Variants in RXRA observed in about 807,000 individuals in gnomAD.
RXRA encodes retinoid X receptor alpha, also known as retinoic acid receptor RXR-alpha.
Under a neutral mutation model 44.5 loss-of-function variants are expected in RXRA, and 5 were observed. The ratio of observed to expected loss-of-function variants is 0.11; its 90% CI spans 0.06 to 0.24. The LOEUF is 0.24. Among genes scored for constraint, RXRA ranks in the 10% least tolerant of loss-of-function variants. The probability of loss-of-function intolerance (pLI) is 1.00; values close to 1 mark genes in which losing one functional copy is unlikely to be tolerated. For synonymous variants in RXRA, 291 were observed against 271.4 expected (o/e 1.07, Z -0.71); for missense variants, 412 against 646.5 (o/e 0.64, Z 3.93).
intron 1 of RXRA, among the ~76,000 whole-genome samples, chr9:134,327,958 T>G (rs1834943507): frequency 6.6e-6 from 1 of 152,172 alleles, no homozygotes; most frequent in Non-Finnish European, 1.5e-5. Flanking sequence ...TGGGCGCTCA[T>G]GCCCATTTTG....
At position 134,379,917 on chromosome 9, in the gene RXRA, T is replaced by C. The variant is rs567623867; in HGVS notation, c.29-21715T>C. On this transcript the variant is annotated intron_variant, in intron 1 of 9. Coordinates refer to ENST00000481739, the MANE Select transcript of RXRA (RefSeq NM_002957.6). ...ATGGCAGAGCCTGGAGGCCTGCTGGTCTCTGGGTCTGAGACTCTGGCCTCC... is the reference window on the plus strand; with the variant it reads ...ATGGCAGAGCCTGGAGGCCTGCTGGCCTCTGGGTCTGAGACTCTGGCCTCC... The C allele has an allele frequency of 3.0e-6, 3 of 985,236 alleles. No individual in the cohort carries two copies. The African/African-American group carries it at 5.2e-5, about 17-fold the overall frequency. The allele number at this position is 985,236 out of a possible 1,614,324, so 61.0% of individuals were successfully genotyped here.
chr9:134,400,673 C>T (rs1453427966), intron 1 of RXRA, among the ~76,000 whole-genome samples: 1 of 152,190 alleles, frequency 6.6e-6, no homozygotes, highest in Non-Finnish European at 1.5e-5. Flanking sequence ...GTGCCAGCCT[C>T]CAGGGTGCGG....
chr9:134,366,420 T>G lies in RXRA; in HGVS notation c.29-35212T>G, dbSNP rs1029208707. Among the ~76,000 whole-genome samples the G allele has an allele frequency of 2.0e-5, 3 of 152,208 alleles. No homozygotes were observed. The highest frequency in any genetic ancestry group is 4.4e-5 in the Non-Finnish European group (3 of 67,978). On this transcript the variant is annotated intron_variant, in intron 1 of 9. Coordinates refer to ENST00000481739, the MANE Select transcript of RXRA (RefSeq NM_002957.6). The surrounding 1 kb of genome is among the most constrained non-coding windows in gnomAD (Gnocchi z 5.9). ...CCTCTGCAGGGCGGGGCTGCTCCAGTCTCTTACACCAGCGCATCTGCAACT... is the reference window on the plus strand; with the variant it reads ...CCTCTGCAGGGCGGGGCTGCTCCAGGCTCTTACACCAGCGCATCTGCAACT...
rs1045037730 is a variant in RXRA, at chr9:134,407,694, G to C, written c.280-455G>C. On this transcript the variant is annotated intron_variant, in intron 2 of 9. Coordinates refer to ENST00000481739, the MANE Select transcript of RXRA (RefSeq NM_002957.6). The surrounding 1 kb of genome is among the most constrained non-coding windows in gnomAD (Gnocchi z 4.8). ...TTGGGGGGGTCCCCAGCCCTCCTCC[G>C]TCCTGGGAACTGGGCTTCGGCGTCC... 6.6e-6 allele frequency among the ~76,000 whole-genome samples: 1 copy of C among 152,054 alleles called. No homozygotes were observed. The highest frequency in any genetic ancestry group is 1.5e-5 in the Non-Finnish European group (1 of 67,988).
chr9:134,425,569 G>A, intron 6 of RXRA: 11 of 816,472 alleles, frequency 1.3e-5, no homozygotes, highest in Non-Finnish European at 1.6e-5. Context: ...GGGGTGAGGG[G>A]GGTGGGGGGA....
chr9:134,418,814 C>T (rs1831280929), intron 5 of RXRA, among the ~76,000 whole-genome samples: 1 of 152,202 alleles, frequency 6.6e-6, no homozygotes, highest in South Asian at 2.1e-4. Context: ...CTGTGCTGCT[C>T]CTCACCACCA....
rs1317676584 is a variant in RXRA, at chr9:134,426,683, C to T, written c.911-2425C>T. 12 of 985,288 alleles carry T rather than the reference C, an allele frequency of 1.2e-5. No homozygotes were observed. Among genetic ancestry groups the T allele is most frequent in the Non-Finnish European group, 1.3e-5 (11 of 829,932 alleles). The allele number at this position is 985,288 out of a possible 1,614,324, so 61.0% of individuals were successfully genotyped here. Reference sequence around the variant, plus strand: ...TCTACCCTGGTGCCTGCTGGGTGGCCTCAGGGGCTCTCGGGGCAGTGGGAG... The same window carrying T: ...TCTACCCTGGTGCCTGCTGGGTGGCTTCAGGGGCTCTCGGGGCAGTGGGAG... On this transcript the variant is annotated intron_variant, in intron 6 of 9. Transcript: ENST00000481739. This position sits in a 1 kb window ranked among gnomAD's most constrained non-coding sequence, Gnocchi z 4.6.
Position 134,330,771 on chromosome 9 carries a change from C to T in RXRA, c.28+4112C>T, listed in dbSNP as rs963733451. On this transcript the variant is annotated intron_variant, in intron 1 of 9. Coordinates refer to ENST00000481739, the MANE Select transcript of RXRA (RefSeq NM_002957.6). Reference sequence around the variant, plus strand: ...CACCTGGGGTTGGGCCTTCTGTCCTCGCTGCCTGCCTGGTCTGCTCTTTGG... The same window carrying T: ...CACCTGGGGTTGGGCCTTCTGTCCTTGCTGCCTGCCTGGTCTGCTCTTTGG... 8.5e-5 allele frequency among the ~76,000 whole-genome samples: 13 copies of T among 152,234 alleles called. No homozygotes were observed. In the South Asian group the frequency reaches 1.7e-3, roughly 19 times the overall value.
In RXRA at chr9:134,421,828, G is replaced by C. The variant is rs1194916464; in HGVS notation, c.910+23G>C. On this transcript the variant is annotated intron_variant, in intron 6 of 9. Coordinates refer to ENST00000481739, the MANE Select transcript of RXRA (RefSeq NM_002957.6). ...CAGGTGAGTGGCGAGGCCTAGGTGG[G>C]GATGGGGATGCCATGCAGATGGGAC... 7 of 1,611,578 alleles carry C rather than the reference G, an allele frequency of 4.3e-6. No individual in the cohort carries two copies. In the South Asian group the frequency reaches 7.7e-5, roughly 18 times the overall value.
At chr9:134,354,167 G>A (rs147241549) in intron 1 of RXRA, among the ~76,000 whole-genome samples, 29 of 152,276 alleles carry the variant, frequency 1.9e-4, no homozygotes, top group African/African-American at 6.5e-4. Context: ...GGCACCAGCA[G>A]GGAAGGTGGG....
intron 1 of RXRA, among the ~76,000 whole-genome samples, chr9:134,359,262 G>T (rs1830320320): frequency 6.6e-6 from 1 of 152,134 alleles, no homozygotes; most frequent in Non-Finnish European, 1.5e-5. Context: ...TGCCTTTGGG[G>T]TCCTCAGGCG....
chr9:134,361,709 ACT>A (rs1193546678), intron 1 of RXRA, among the ~76,000 whole-genome samples: 3 of 151,894 alleles, frequency 2.0e-5, no homozygotes, highest in Non-Finnish European at 4.4e-5. Flanking sequence ...CATCGGAGGG[ACT>A]CTGAGCTTCC....
intron 1 of RXRA, among the ~76,000 whole-genome samples, chr9:134,386,693 C>G (rs1313500283): frequency 6.6e-6 from 1 of 152,020 alleles, no homozygotes; most frequent in East Asian, 1.9e-4. Context: ...CTGGGTCTGC[C>G]AGACCCTGCA....
chr9:134,413,516 C>CT (rs2119169568), intron 4 of RXRA, among the ~76,000 whole-genome samples: 1 of 152,266 alleles, frequency 6.6e-6, no homozygotes, highest in African/African-American at 2.4e-5. Context: ...CTCTGGGTCT[C>CT]TGTCTCCCCA....
chr9:134,384,410 G>A (rs751500003), intron 1 of RXRA, among the ~76,000 whole-genome samples: 5 of 152,246 alleles, frequency 3.3e-5, no homozygotes, highest in Non-Finnish European at 5.9e-5. Context: ...GGTCGCCAGC[G>A]ACTGAGGATG....
intron 6 of RXRA, chr9:134,422,324 C>T (rs1831353913): frequency 1.8e-5 from 23 of 1,287,776 alleles, no homozygotes; most frequent in Middle Eastern, 2.1e-4. Context: ...GGACACTCCC[C>T]ACTCCTGGGA....
chr9:134,397,489 C>T (rs150595401), intron 1 of RXRA, among the ~76,000 whole-genome samples: 1 of 151,796 alleles, frequency 6.6e-6, no homozygotes, highest in Non-Finnish European at 1.5e-5. Context: ...CAGTTTTGTG[C>T]CAAGGGAGTG....
chr9:134,396,976 CG>C (rs1370355776), intron 1 of RXRA, among the ~76,000 whole-genome samples: 1 of 152,218 alleles, frequency 6.6e-6, no homozygotes, highest in African/African-American at 2.4e-5. Flanking sequence ...GGCTCACCCC[CG>C]CCCCCACCAC....
At chr9:134,329,998 G>GCA (rs1554746463) in intron 1 of RXRA, among the ~76,000 whole-genome samples, 4 of 152,208 alleles carry the variant, frequency 2.6e-5, no homozygotes, top group Non-Finnish European at 4.4e-5. Flanking sequence ...AGGTGGTGTG[G>GCA]GGGCGGGGTG....
Sources: allele counts gnomAD v4.1 joint callset (sites outside exome capture counted in the v4.1 genomes callset), GRCh38; gene constraint gnomAD v4.1.1; non-coding constraint Gnocchi (gnomAD v3.1); transcripts MANE v1.5; gene names NCBI Gene and HGNC (gene_info 2026-07-23, HGNC 2026-07-21).